The following VAV1 variants were observed in gnomAD, a reference collection of about 807,000 sequenced individuals.
VAV1 encodes the protein vav guanine nucleotide exchange factor 1, also known as proto-oncogene vav.
VAV1 carries 33 observed loss-of-function variants against 128.1 expected under a neutral mutation model. The ratio of observed to expected loss-of-function variants is 0.26; its 90% CI spans 0.20 to 0.34. The LOEUF (loss-of-function observed/expected upper bound fraction) is 0.34, where lower values mean the gene tolerates loss of function less well. Among genes scored for constraint, VAV1 ranks in the 10% least tolerant of loss-of-function variants. The probability of loss-of-function intolerance (pLI) is 1.00; values close to 1 mark genes in which losing one functional copy is unlikely to be tolerated. For missense variants in VAV1, 715 were observed against 1,093.7 expected (o/e 0.65, Z 4.88); for synonymous variants, 394 against 409.8 (o/e 0.96, Z 0.47).
chr19:6,795,177 TC>T (rs1336468951), intron 1 of VAV1, among the ~76,000 whole-genome samples: 5 of 152,066 alleles, frequency 3.3e-5, no homozygotes, highest in Admixed American at 2.0e-4. Context: ...GCTTCTCTCT[TC>T]CTACCCTAGG....
intron 1 of VAV1, among the ~76,000 whole-genome samples, chr19:6,814,679 T>TC (rs1568299237): frequency 5.5e-5 from 5 of 90,332 alleles, no homozygotes; most frequent in African/African-American, 3.3e-4. Context: ...TTCCTTTCTT[T>TC]CTTTCTTTCT....
intron 1 of VAV1, among the ~76,000 whole-genome samples, chr19:6,801,697 T>TGGGGTG (rs1971274437): frequency 6.6e-6 from 1 of 152,046 alleles, no homozygotes; most frequent in South Asian, 2.1e-4. Context: ...TCCCTGGTGC[T>TGGGGTG]GGGGTGGGGG....
At chr19:6,806,780 C>G (rs1323730742) in intron 1 of VAV1, among the ~76,000 whole-genome samples, 2 of 152,202 alleles carry the variant, frequency 1.3e-5, no homozygotes, top group Admixed American at 6.5e-5. Context: ...CCCCTCTCAG[C>G]CCATGTTGCT....
chr19:6,833,954 G>C lies in VAV1; in HGVS notation c.1777+1G>C. 6.2e-7 allele frequency: 1 copy of C among 1,614,054 alleles called. No individual in the cohort carries two copies. Among genetic ancestry groups the C allele is most frequent in the Non-Finnish European group, 8.5e-7 (1 of 1,180,016 alleles). ...CAGGACAAAAAGAGGAATGAGCTGG[G>C]TGAGTTGGCAGGGGTTGCTGTGTGG... On this transcript the variant is annotated splice_donor_variant, in intron 19 of 26. Transcript: ENST00000602142. LOFTEE classifies it high-confidence loss of function.
intron 1 of VAV1, among the ~76,000 whole-genome samples, chr19:6,817,621 C>CA (rs1971684634): frequency 6.6e-6 from 1 of 152,010 alleles, no homozygotes; most frequent in Admixed American, 6.6e-5. Context: ...ACAAGAGAAG[C>CA]AAAACTAAGG....
intron 1 of VAV1, among the ~76,000 whole-genome samples, chr19:6,793,660 A>G (rs1478765198): frequency 1.3e-5 from 2 of 152,172 alleles, no homozygotes; most frequent in Admixed American, 6.6e-5. Context: ...GATAACATCA[A>G]GTTTGCTTTG....
At chr19:6,779,596 C>A (rs2144691418) in intron 1 of VAV1, among the ~76,000 whole-genome samples, 1 of 150,594 alleles carries the variant, frequency 6.6e-6, no homozygotes, top group Non-Finnish European at 1.5e-5. Flanking sequence ...TGCAGTGGTT[C>A]AGGCCTGTAA....
chr19:6,795,461 G>A (rs4807900), intron 1 of VAV1, among the ~76,000 whole-genome samples: 33,376 of 151,616 alleles, frequency 0.22, 3,889 homozygotes, highest in African/African-American at 0.3. Context: ...CACCCAGGGC[G>A]TAGTTCTTTT....
chr19:6,810,587 C>T (rs1599644114), intron 1 of VAV1, among the ~76,000 whole-genome samples: 1 of 152,012 alleles, frequency 6.6e-6, no homozygotes, highest in African/African-American at 2.4e-5. Flanking sequence ...CGCCTGTAAT[C>T]GCAGCTACTC....
intron 1 of VAV1, among the ~76,000 whole-genome samples, chr19:6,776,077 T>C (rs996177760): frequency 2.3e-5 from 3 of 129,262 alleles, no homozygotes; most frequent in Non-Finnish European, 4.9e-5. Flanking sequence ...TCCATCCATT[T>C]ATCCATCCAT....
intron 1 of VAV1, among the ~76,000 whole-genome samples, chr19:6,792,130 T>A (rs1055383875): frequency 1.3e-5 from 2 of 151,976 alleles, no homozygotes; most frequent in Non-Finnish European, 2.9e-5. Flanking sequence ...GGCAGGAAGA[T>A]CACTTGAGGC....
intron 21 of VAV1, 90 bp downstream of exon 21, chr19:6,837,140 T>C: frequency 7.3e-7 from 1 of 1,367,994 alleles, no homozygotes; most frequent in East Asian, 2.3e-5. Context: ...ACCCCCGGAG[T>C]TGGGGAGGGG....
rs191647290 is a variant in VAV1 at position 6,833,746 on chromosome 19, C to T, written c.1731+13C>T. 2.0e-4 allele frequency: 318 copies of T among 1,614,162 alleles called. No homozygotes were observed. The African/African-American group carries it at 2.6e-3, about 13-fold the overall frequency. On this transcript the variant is annotated intron_variant, in intron 18 of 26. Coordinates refer to ENST00000602142, the MANE Select transcript of VAV1 (RefSeq NM_005428.4). ...AACTATGAAGAAGGTAAGACTTTCC[C>T]GTGGTCCTTCCTGTGTACCACAAAT... is the stretch of plus-strand genomic sequence containing the variant.
At chr19:6,821,128 G>A (rs1297366358) in intron 2 of VAV1, among the ~76,000 whole-genome samples, 1 of 152,182 alleles carries the variant, frequency 6.6e-6, no homozygotes, top group Non-Finnish European at 1.5e-5. Flanking sequence ...AGGGCCGGGC[G>A]CAGTGGCTCA....
intron 1 of VAV1, among the ~76,000 whole-genome samples, chr19:6,798,015 C>T (rs186759139): frequency 2.6e-5 from 4 of 151,766 alleles, no homozygotes; most frequent in Admixed American, 1.3e-4. Flanking sequence ...CGGTGGCTCA[C>T]GCTGTAATCC....
At chr19:6,810,378 C>T (rs532239607) in intron 1 of VAV1, among the ~76,000 whole-genome samples, 2 of 152,196 alleles carry the variant, frequency 1.3e-5, no homozygotes, top group South Asian at 2.1e-4. Context: ...CACTTAGATT[C>T]GTTCCTGGCT....
chr19:6,841,237 A>G lies in VAV1; in HGVS notation c.1981-1898A>G, dbSNP rs78206532. Reference sequence around the variant, plus strand: ...GCAATTTTCTTAATTCTTAAGGCTAATATTCCATGGTATGCATATACCATG... The same window carrying G: ...GCAATTTTCTTAATTCTTAAGGCTAGTATTCCATGGTATGCATATACCATG... On this transcript the variant is annotated intron_variant, in intron 21 of 26. Transcript: ENST00000602142. 4.8e-3 allele frequency among the ~76,000 whole-genome samples: 733 copies of G among 152,030 alleles called. 8 individuals are homozygous for G. Among genetic ancestry groups the G allele is most frequent in the African/African-American group, 0.017 (719 of 41,472 alleles).
chr19:6,832,481 C>A (rs983749049), intron 15 of VAV1, among the ~76,000 whole-genome samples: 4 of 151,014 alleles, frequency 2.6e-5, no homozygotes, highest in Non-Finnish European at 1.5e-5. Flanking sequence ...TTTCCTTCCT[C>A]CTCCTCCTCC....
At chr19:6,854,235 C>T in intron 26 of VAV1, 137 bp downstream of exon 26, 1 of 1,171,778 alleles carries the variant, frequency 8.5e-7, no homozygotes, top group South Asian at 1.5e-5. Context: ...GGAAGGGACA[C>T]AGGGATGTCA....
Sources: allele counts gnomAD v4.1 joint callset (sites outside exome capture counted in the v4.1 genomes callset), GRCh38; gene constraint gnomAD v4.1.1; transcripts MANE v1.5; gene names NCBI Gene and HGNC (gene_info 2026-07-23, HGNC 2026-07-21).